Variants in FAM47E observed in about 807,000 individuals in gnomAD.
FAM47E encodes family with sequence similarity 47 member E, also known as protein FAM47E.
In FAM47E, 32 loss-of-function variants were observed where a neutral mutation model predicts 41.6. The observed-to-expected ratio is 0.77, with a 90% confidence interval of 0.58 to 1.03. The LOEUF is 1.03. Among genes scored for constraint, FAM47E ranks in the 50% least tolerant of loss-of-function variants. FAM47E has a pLI of 0.00. For missense variants in FAM47E, 424 were observed against 485.4 expected, an observed-to-expected ratio of 0.87 and a Z score of 1.19; for synonymous variants, 184 against 188.7, an observed-to-expected ratio of 0.98 and a Z score of 0.20.
At chr4:76,278,018 G>GACAA (rs1005226902) in intron 5 of FAM47E, 51 bp from the exon 6 acceptor site, 24 of 1,407,334 alleles carry the variant, frequency 1.7e-5, no homozygotes, top group Admixed American at 1.3e-4. Flanking sequence ...TTTTTGAAAT[G>GACAA]ACAAACAAAC....
At chr4:76,269,253 T>TGAGTTCAA (rs1734780753) in intron 4 of FAM47E, 1 of 154,450 alleles carries the variant, frequency 6.5e-6, no homozygotes, top group Non-Finnish European at 1.4e-5. Flanking sequence ...GCAGATCACT[T>TGAGTTCAA]GAGTTCAAGA....
intron 5 of FAM47E, among the ~76,000 whole-genome samples, chr4:76,275,032 C>T (rs1735041031): frequency 6.6e-6 from 1 of 152,140 alleles, no homozygotes; most frequent in Admixed American, 6.5e-5. Flanking sequence ...CTTGGTTACC[C>T]AATGTCTTGT....
In FAM47E at chr4:76,251,825, A is replaced by G. The variant is rs1053943716; in HGVS notation, c.74+5A>G. On this transcript the variant is annotated splice_donor_5th_base_variant and intron_variant, in intron 1 of 7. Transcript: ENST00000424749. ...GGGCGTGAACTGCAGGTCCAGGTAAACACTCAGCGCCCGGGCCGAGGGCGC... is the reference window on the plus strand; with the variant it reads ...GGGCGTGAACTGCAGGTCCAGGTAAGCACTCAGCGCCCGGGCCGAGGGCGC... 1 of 1,459,468 alleles carries G rather than the reference A, an allele frequency of 6.9e-7. No homozygotes were observed. Among genetic ancestry groups the G allele is most frequent in the Non-Finnish European group, 9.0e-7 (1 of 1,110,584 alleles). 90.4% of individuals were successfully genotyped at this position (1,459,468 alleles called of 1,614,324 possible).
intron 1 of FAM47E, among the ~76,000 whole-genome samples, chr4:76,215,386 T>C (rs1363869033): frequency 1.3e-5 from 2 of 152,198 alleles, no homozygotes; most frequent in Non-Finnish European, 2.9e-5. Flanking sequence ...CCTCACTTTT[T>C]CTACTCTGCG....
chr4:76,225,339 G>C (rs190664217), intron 2 of FAM47E, among the ~76,000 whole-genome samples: 1 of 152,158 alleles, frequency 6.6e-6, no homozygotes, highest in Non-Finnish European at 1.5e-5. Context: ...TATCATCAGC[G>C]AACAGTGACA....
chr4:76,218,170 G>C (rs539434142), intron 2 of FAM47E, among the ~76,000 whole-genome samples: 1 of 152,282 alleles, frequency 6.6e-6, no homozygotes, highest in East Asian at 1.9e-4. Flanking sequence ...GACAGGTCAG[G>C]CTCCAAGATA....
intron 2 of FAM47E, among the ~76,000 whole-genome samples, chr4:76,221,036 A>C (rs559728503): frequency 3.9e-5 from 6 of 152,246 alleles, no homozygotes; most frequent in Admixed American, 2.6e-4. Flanking sequence ...ACTGATTCCT[A>C]ATCAACTCCT....
intron 4 of FAM47E, chr4:76,269,294 A>G (rs1734781866): frequency 6.6e-6 from 1 of 152,172 alleles, no homozygotes; most frequent in Admixed American, 6.6e-5. Context: ...ATATGGCAAA[A>G]CCTTGTCTCT....
At chr4:76,260,955 C>G (rs1044670370) in intron 2 of FAM47E, among the ~76,000 whole-genome samples, 2 of 151,642 alleles carry the variant, frequency 1.3e-5, no homozygotes, top group African/African-American at 2.4e-5. Flanking sequence ...GCACTTCAAC[C>G]TGGGTGACAG....
At chr4:76,217,575 C>G (rs1360523650) in intron 1 of FAM47E, 1 of 519,514 alleles carries the variant, frequency 1.9e-6, no homozygotes, top group East Asian at 3.1e-5. Context: ...TTCTGCCTTC[C>G]CAGGAGTGGA....
At chr4:76,246,755 A>C (rs1274922488), upstream of FAM47E, among the ~76,000 whole-genome samples, 1 of 152,130 alleles carries the variant, frequency 6.6e-6, no homozygotes, top group Non-Finnish European at 1.5e-5. Flanking sequence ...TGCCTGTTTT[A>C]AAACTTCATG....
At chr4:76,221,088 G>A (rs1733299462) in intron 2 of FAM47E, among the ~76,000 whole-genome samples, 1 of 152,152 alleles carries the variant, frequency 6.6e-6, no homozygotes, top group Admixed American at 6.5e-5. Context: ...CTGGCACCAT[G>A]CAATCTGTAT....
intron 2 of FAM47E, among the ~76,000 whole-genome samples, chr4:76,238,086 AG>A (rs1473133325): frequency 6.6e-6 from 1 of 152,246 alleles, no homozygotes; most frequent in East Asian, 1.9e-4. Flanking sequence ...CAGACCCGGG[AG>A]GCTTTGAATA....
chr4:76,242,323 T>TCC (rs1733728956), intron 2 of FAM47E, among the ~76,000 whole-genome samples: 2 of 152,138 alleles, frequency 1.3e-5, no homozygotes, highest in South Asian at 4.1e-4. Flanking sequence ...TGGCACCTCC[T>TCC]CCCTCTTTCT....
intron 2 of FAM47E, among the ~76,000 whole-genome samples, chr4:76,226,599 G>GT (rs1455147638): frequency 1.3e-5 from 2 of 152,124 alleles, no homozygotes; most frequent in African/African-American, 4.8e-5. Context: ...GCCACAAGGG[G>GT]TTTTGGACCC....
intron 2 of FAM47E, among the ~76,000 whole-genome samples, chr4:76,263,399 T>C (rs183278991): frequency 3.0e-4 from 46 of 152,318 alleles, no homozygotes; most frequent in Non-Finnish European, 1.8e-4. Context: ...TTTAAAATAC[T>C]TTTTTTGCAA....
chr4:76,236,817 C>T, intron 2 of FAM47E, among the ~76,000 whole-genome samples: 1 of 151,614 alleles, frequency 6.6e-6, no homozygotes. Context: ...ATTGTGGAGA[C>T]TAAAGTTCTT....
At chr4:76,229,657 CTG>C (rs1733459455) in intron 2 of FAM47E, among the ~76,000 whole-genome samples, 1 of 152,164 alleles carries the variant, frequency 6.6e-6, no homozygotes, top group Non-Finnish European at 1.5e-5. Flanking sequence ...CAGGCTGGTG[CTG>C]AGAAATACCT....
chr4:76,278,312 G>T (rs766478946), intron 6 of FAM47E, 88 bp downstream of exon 6: 1 of 1,331,134 alleles, frequency 7.5e-7, no homozygotes, highest in South Asian at 2.1e-5. Context: ...ACTCTGCGGC[G>T]TAATACAAAG....
Sources: allele counts gnomAD v4.1 joint callset (sites outside exome capture counted in the v4.1 genomes callset), GRCh38; gene constraint gnomAD v4.1.1; transcripts MANE v1.5; gene names NCBI Gene and HGNC (gene_info 2026-07-23, HGNC 2026-07-21).